The following NEURL1 variants were observed in gnomAD, a reference collection of about 807,000 sequenced individuals.
The protein encoded by NEURL1 is neuralized E3 ubiquitin protein ligase 1.
NEURL1 carries 26 observed loss-of-function variants against 41.2 expected under a neutral mutation model. The ratio of observed to expected loss-of-function variants is 0.63; its 90% CI spans 0.46 to 0.87. The LOEUF is 0.87. Ranked by LOEUF, NEURL1 falls within the 40% of genes least tolerant of loss-of-function variation. The pLI is 0.00. For missense variants in NEURL1, 761 were observed against 871.1 expected (o/e 0.87, Z 1.59); for synonymous variants, 400 against 402.3 (o/e 0.99, Z 0.07).
At chr10:103,578,086 G>A (rs1021999811) in intron 3 of NEURL1, among the ~76,000 whole-genome samples, 1 of 152,126 alleles carries the variant, frequency 6.6e-6, no homozygotes, top group African/African-American at 2.4e-5. Flanking sequence ...CTTCATTTAA[G>A]ATGCAGGAGA....
intron 1 of NEURL1, among the ~76,000 whole-genome samples, chr10:103,509,710 T>A (rs2034028072): frequency 6.6e-6 from 1 of 152,154 alleles, no homozygotes; most frequent in Non-Finnish European, 1.5e-5. Flanking sequence ...TCCCCAAGAT[T>A]CAGGACTTTT....
intron 1 of NEURL1, among the ~76,000 whole-genome samples, chr10:103,553,227 G>A (rs1168055580): frequency 1.3e-5 from 2 of 152,210 alleles, no homozygotes; most frequent in African/African-American, 2.4e-5. Context: ...TTGTCGTGAG[G>A]ATTGAGCAAG....
At chr10:103,503,878 C>G (rs1327585534) in intron 1 of NEURL1, among the ~76,000 whole-genome samples, 1 of 149,586 alleles carries the variant, frequency 6.7e-6, no homozygotes, top group Non-Finnish European at 1.5e-5. Flanking sequence ...GCAGCCTCAC[C>G]CCCCGGGCTC....
At chr10:103,529,836 T>C (rs959079349) in intron 1 of NEURL1, among the ~76,000 whole-genome samples, 4 of 152,236 alleles carry the variant, frequency 2.6e-5, no homozygotes, top group Non-Finnish European at 5.9e-5. Context: ...GTCTCTTCAG[T>C]ATCATCCCTT....
At chr10:103,521,576 T>C (rs2034349017) in intron 1 of NEURL1, among the ~76,000 whole-genome samples, 1 of 151,930 alleles carries the variant, frequency 6.6e-6, no homozygotes, top group Non-Finnish European at 1.5e-5. Context: ...GGAAAGGAAA[T>C]GAGAGGTTCT....
rs1554892608 is a variant in NEURL1 at position 103,540,298 on chromosome 10, T to TTA, written c.86-30574_86-30573insTA. On this transcript the variant is annotated intron_variant, in intron 1 of 5. Coordinates refer to ENST00000369780, the MANE Select transcript of NEURL1 (RefSeq NM_004210.5). ...TTCTTTTATTTTCAGACTTTTTTTTTAAATTTTTTGAGATGGAGTCTTGCT... is the reference window on the plus strand; with the variant it reads ...TTCTTTTATTTTCAGACTTTTTTTTTTAAAATTTTTTGAGATGGAGTCTTGCT... Among the ~76,000 whole-genome samples, 131 of 151,844 alleles carry TTA rather than the reference T, an allele frequency of 8.6e-4. 2 individuals carry two copies. The highest frequency in any genetic ancestry group is 3.0e-3 in the African/African-American group (122 of 41,346).
At chr10:103,571,852 GCAGGGGA>G in intron 3 of NEURL1, 30 bp downstream of exon 3, 1 of 1,563,558 alleles carries the variant, frequency 6.4e-7, no homozygotes, top group African/African-American at 1.3e-5. Flanking sequence ...GCCCCTTGGT[GCAGGGGA>G]CACCCCTCAG....
intron 1 of NEURL1, among the ~76,000 whole-genome samples, chr10:103,512,947 C>A (rs1033140645): frequency 6.6e-6 from 1 of 152,074 alleles, no homozygotes; most frequent in Non-Finnish European, 1.5e-5. Flanking sequence ...AGGGTCTTCT[C>A]GTCTCTGGCT....
chr10:103,575,596 C>T (rs918920505), intron 3 of NEURL1, among the ~76,000 whole-genome samples: 3 of 152,214 alleles, frequency 2.0e-5, no homozygotes, highest in Admixed American at 1.3e-4. Flanking sequence ...GTGTCTCTCC[C>T]CAGTGGACGG....
chr10:103,541,178 A>G (rs1481775950), intron 1 of NEURL1, among the ~76,000 whole-genome samples: 1 of 152,222 alleles, frequency 6.6e-6, no homozygotes, highest in Non-Finnish European at 1.5e-5. Flanking sequence ...GGGTAGTAGT[A>G]GTCCAGGCAT....
chr10:103,524,655 C>A (rs1463867791), intron 1 of NEURL1, among the ~76,000 whole-genome samples: 2 of 152,134 alleles, frequency 1.3e-5, no homozygotes, highest in African/African-American at 4.8e-5. Flanking sequence ...TTTCATTTTT[C>A]TGCATATGGA....
chr10:103,506,516 G>A (rs2033948555), intron 1 of NEURL1, among the ~76,000 whole-genome samples: 1 of 151,894 alleles, frequency 6.6e-6, no homozygotes, highest in African/African-American at 2.4e-5. Flanking sequence ...TTGGCAGGAG[G>A]GTCCTCCCTT....
intron 1 of NEURL1, among the ~76,000 whole-genome samples, chr10:103,507,977 G>A (rs2033986486): frequency 6.6e-6 from 1 of 152,184 alleles, no homozygotes. Flanking sequence ...TTCCCAGAGT[G>A]GAGATCAAAG....
rs1027949755 is a variant in NEURL1 at position 103,508,945 on chromosome 10, C to G, written c.85+14473C>G. On this transcript the variant is annotated intron_variant, in intron 1 of 5. Transcript: ENST00000369780. The surrounding 1 kb of genome is among the most constrained non-coding windows in gnomAD (Gnocchi z 4.3). ...GGTGCGGTGGCTCATGTCTGTAATC[C>G]CAGCACTTTGGGTGGCTTTGGCTTA... Among the ~76,000 whole-genome samples the G allele has an allele frequency of 6.6e-6, 1 of 152,112 alleles. No individual in the cohort carries two copies. Among genetic ancestry groups the G allele is most frequent in the Non-Finnish European group, 1.5e-5 (1 of 68,010 alleles).
At chr10:103,554,057 A>C (rs533276652) in intron 1 of NEURL1, among the ~76,000 whole-genome samples, 2 of 152,342 alleles carry the variant, frequency 1.3e-5, no homozygotes, top group South Asian at 4.1e-4. Flanking sequence ...AGATATCATC[A>C]TAGCCACTGC....
chr10:103,501,627 A>G (rs1254740300), intron 1 of NEURL1, among the ~76,000 whole-genome samples: 1 of 147,812 alleles, frequency 6.8e-6, no homozygotes, highest in Admixed American at 6.8e-5. Flanking sequence ...ATTTATTATT[A>G]TTATTATTAT....
chr10:103,502,609 C>T (rs1264463212), intron 1 of NEURL1, among the ~76,000 whole-genome samples: 1 of 152,178 alleles, frequency 6.6e-6, no homozygotes, highest in Non-Finnish European at 1.5e-5. Context: ...ATTAGGGTTT[C>T]AATATATGAA....
In NEURL1 at chr10:103,584,972, C is replaced by T. The variant is rs769053760; in HGVS notation, c.1086C>T (p.Pro362=). 1.4e-5 allele frequency: 22 copies of T among 1,526,980 alleles called. No homozygotes were observed. The highest frequency in any genetic ancestry group is 1.6e-5 in the Non-Finnish European group (18 of 1,146,230). 94.6% of individuals were successfully genotyped at this position (1,526,980 alleles called of 1,614,324 possible). A position where few individuals can be genotyped will look rare whatever the true frequency, so the allele number is the denominator to read the frequency against. Residue 362 remains proline (P), a synonymous_variant, in exon 4 of 6, where the codon CCC becomes CCT. Transcript: ENST00000369780. ...CGTTCGGCGTCACCACGTGCGACCC[C>T]GGCACGCTGCGGCCGGCCGACCTGC... is the stretch of plus-strand genomic sequence containing the variant. ...ALSFGVTTCD[P]GTLRPADLPF...
chr10:103,504,784 C>T (rs1308031941), intron 1 of NEURL1, among the ~76,000 whole-genome samples: 1 of 152,156 alleles, frequency 6.6e-6, no homozygotes, highest in Non-Finnish European at 1.5e-5. Flanking sequence ...ATTTCTTACC[C>T]AAACAATTAT....
Sources: allele counts gnomAD v4.1 joint callset (sites outside exome capture counted in the v4.1 genomes callset), GRCh38; gene constraint gnomAD v4.1.1; non-coding constraint Gnocchi (gnomAD v3.1); transcripts MANE v1.5; gene names NCBI Gene and HGNC (gene_info 2026-07-23, HGNC 2026-07-21).